KCNH8: variants seen among roughly 807,000 people sequenced by gnomAD.
KCNH8 encodes potassium voltage-gated channel subfamily H member 8.
In KCNH8, 70 loss-of-function variants were observed where a neutral mutation model predicts 103.6. The observed-to-expected ratio is 0.68, with a 90% CI of 0.56 to 0.82. KCNH8 has a LOEUF of 0.82. Among genes scored for constraint, KCNH8 ranks in the 40% least tolerant of loss-of-function variants. The probability of loss-of-function intolerance (pLI) is 0.00; values close to 1 mark genes in which losing one functional copy is unlikely to be tolerated. For missense variants in KCNH8, 1,217 were observed against 1,329.9 expected, an observed-to-expected ratio of 0.92 and a Z score of 1.32; for synonymous variants, 498 against 489.4, an observed-to-expected ratio of 1.02 and a Z score of -0.23.
intron 1 of KCNH8, among the ~76,000 whole-genome samples, chr3:19,196,754 G>A (rs1471971632): frequency 6.6e-6 from 1 of 151,956 alleles, no homozygotes; most frequent in African/African-American, 2.4e-5. Context: ...AATCCAACTA[G>A]TTGACTGATT....
At position 19,284,554 on chromosome 3, in the gene KCNH8, A is replaced by T. The variant is rs868173333; in HGVS notation, c.442+3225A>T. ...GTGTGTGTGTGTGTGTGTGTGTGTGAGGGAGAGAGAGAGAGAAAGAGAGAG... is the reference window on the plus strand; with the variant it reads ...GTGTGTGTGTGTGTGTGTGTGTGTGTGGGAGAGAGAGAGAGAAAGAGAGAG... On this transcript the variant is annotated intron_variant, in intron 3 of 15. Coordinates refer to ENST00000328405, the MANE Select transcript of KCNH8 (RefSeq NM_144633.3). Among the ~76,000 whole-genome samples the T allele has an allele frequency of 8.9e-3, 1,047 of 117,470 alleles. 8 individuals carry two copies. Among genetic ancestry groups the T allele is most frequent in the Middle Eastern group, 0.03 (7 of 236 alleles). 77.1% of individuals were successfully genotyped at this position (117,470 alleles called of 152,430 possible).
At position 19,215,034 on chromosome 3, in the gene KCNH8, A is replaced by G. The variant is rs990277409; in HGVS notation, c.77-38620A>G. On this transcript the variant is annotated intron_variant, in intron 1 of 15. Transcript: ENST00000328405. Reference sequence around the variant, plus strand: ...TTATCTGTTTCATGGAGGCTTACACATACCCTGCTGTTACTGGCTTGGGCC... The same window carrying G: ...TTATCTGTTTCATGGAGGCTTACACGTACCCTGCTGTTACTGGCTTGGGCC... 3.9e-5 allele frequency among the ~76,000 whole-genome samples: 6 copies of G among 152,306 alleles called. No homozygotes were observed. The East Asian group carries it at 1.2e-3, about 29-fold the overall frequency.
At chr3:19,210,020 G>T (rs947289822) in intron 1 of KCNH8, among the ~76,000 whole-genome samples, 3 of 152,056 alleles carry the variant, frequency 2.0e-5, no homozygotes, top group African/African-American at 7.2e-5. Context: ...GTCACTGAGT[G>T]ACCTTAGACA....
intron 3 of KCNH8, among the ~76,000 whole-genome samples, chr3:19,318,806 C>T (rs2125302367): frequency 6.6e-6 from 1 of 151,826 alleles, no homozygotes; most frequent in South Asian, 2.1e-4. Context: ...CTCATCTATG[C>T]CAACGTCTAT....
intron 9 of KCNH8, chr3:19,450,920 C>T: frequency 2.0e-6 from 1 of 504,076 alleles, no homozygotes; most frequent in Non-Finnish European, 3.5e-6. Flanking sequence ...CTGCTAGAGG[C>T]TTTTTTAATT....
chr3:19,499,521 T>C (rs567327296), intron 11 of KCNH8, among the ~76,000 whole-genome samples: 3 of 151,974 alleles, frequency 2.0e-5, no homozygotes, highest in Admixed American at 2.0e-4. Flanking sequence ...AAGGAAAAAA[T>C]GTTAAGGGCA....
intron 3 of KCNH8, among the ~76,000 whole-genome samples, chr3:19,342,033 G>A (rs2125316526): frequency 6.6e-6 from 1 of 152,066 alleles, no homozygotes; most frequent in Non-Finnish European, 1.5e-5. Context: ...CAGTGAAATA[G>A]TAAAATTAAT....
At chr3:19,239,715 C>T (rs1158991329) in intron 1 of KCNH8, among the ~76,000 whole-genome samples, 1 of 151,864 alleles carries the variant, frequency 6.6e-6, no homozygotes. Flanking sequence ...AGCTGTCTAT[C>T]TAATCTAGTT....
chr3:19,452,602 G>A (rs984356687), intron 10 of KCNH8, among the ~76,000 whole-genome samples: 4 of 152,256 alleles, frequency 2.6e-5, no homozygotes, highest in Non-Finnish European at 5.9e-5. Context: ...GTGAATTCAG[G>A]ATGTATTTCA....
chr3:19,416,623 C>T (rs1339078711), intron 7 of KCNH8, among the ~76,000 whole-genome samples: 2 of 152,110 alleles, frequency 1.3e-5, no homozygotes, highest in African/African-American at 2.4e-5. Flanking sequence ...CAATAGCGCT[C>T]TTTCTGTAGA....
intron 11 of KCNH8, among the ~76,000 whole-genome samples, chr3:19,463,333 GT>G (rs2067671640): frequency 1.3e-5 from 2 of 152,038 alleles, no homozygotes; most frequent in Admixed American, 1.3e-4. Context: ...GAATGCAAAA[GT>G]TTCATACTAG....
chr3:19,170,621 C>CAT (rs1210009747), intron 1 of KCNH8, among the ~76,000 whole-genome samples: 23 of 137,082 alleles, frequency 1.7e-4, no homozygotes, highest in African/African-American at 5.3e-4. Context: ...TATACACACA[C>CAT]ATATATATAT....
At chr3:19,255,490 T>G (rs2064335319) in intron 2 of KCNH8, among the ~76,000 whole-genome samples, 1 of 152,052 alleles carries the variant, frequency 6.6e-6, no homozygotes, top group Non-Finnish European at 1.5e-5. Flanking sequence ...GGCCAGAACT[T>G]CCAATATTAT....
intron 5 of KCNH8, among the ~76,000 whole-genome samples, chr3:19,356,140 T>C (rs1215072882): frequency 6.6e-6 from 1 of 151,978 alleles, no homozygotes; most frequent in Non-Finnish European, 1.5e-5. Context: ...ATGATTATTT[T>C]AAATTGAGAA....
chr3:19,297,378 A>G (rs1575505610), intron 3 of KCNH8, among the ~76,000 whole-genome samples: 1 of 152,234 alleles, frequency 6.6e-6, no homozygotes, highest in Non-Finnish European at 1.5e-5. Flanking sequence ...AGATTCAGCA[A>G]TACCTAGATG....
chr3:19,386,848 CA>C (rs2066363857), intron 5 of KCNH8, among the ~76,000 whole-genome samples: 1 of 152,030 alleles, frequency 6.6e-6, no homozygotes, highest in African/African-American at 2.4e-5. Context: ...GGGACAGCTA[CA>C]GGGGGAGGAG....
intron 5 of KCNH8, among the ~76,000 whole-genome samples, chr3:19,350,874 G>A (rs2065791885): frequency 6.6e-6 from 1 of 152,146 alleles, no homozygotes; most frequent in African/African-American, 2.4e-5. Context: ...AAGCTGGATG[G>A]AGAATGACTT....
intron 3 of KCNH8, among the ~76,000 whole-genome samples, chr3:19,308,211 A>G (rs567788975): frequency 1.3e-5 from 2 of 151,752 alleles, no homozygotes; most frequent in African/African-American, 4.8e-5. Flanking sequence ...ATTGCTACTT[A>G]TATATTAGAA....
At chr3:19,461,181 G>T (rs189775713) in intron 11 of KCNH8, among the ~76,000 whole-genome samples, 1 of 152,114 alleles carries the variant, frequency 6.6e-6, no homozygotes, top group African/African-American at 2.4e-5. Context: ...TTTCAAAGAG[G>T]ACTCCTTATG....
Sources: allele counts gnomAD v4.1 joint callset (sites outside exome capture counted in the v4.1 genomes callset), GRCh38; gene constraint gnomAD v4.1.1; transcripts MANE v1.5; gene names NCBI Gene and HGNC (gene_info 2026-07-23, HGNC 2026-07-21).